Variants in STIM1 observed in about 807,000 individuals in gnomAD.
STIM1 encodes the protein stromal interaction molecule 1.
A neutral mutation model predicts 74.7 loss-of-function variants in STIM1; 25 were observed. That is an observed-to-expected ratio of 0.33 (90% CI 0.24 to 0.47). The LOEUF (loss-of-function observed/expected upper bound fraction) is 0.47. Ranked by LOEUF, STIM1 falls within the 20% of genes least tolerant of loss-of-function variation. The pLI, the probability that STIM1 is intolerant of heterozygous loss-of-function variation, is 1.00. For synonymous variants in STIM1, 328 were observed against 348.8 expected (o/e 0.94, Z 0.66); for missense variants, 728 against 920.8 (o/e 0.79, Z 2.71).
intron 1 of STIM1, among the ~76,000 whole-genome samples, chr11:3,899,906 G>A (rs12421047): frequency 0.27 from 41,584 of 151,600 alleles, 6,908 homozygotes; most frequent in East Asian, 0.4. Flanking sequence ...ATGTGCTACT[G>A]GATTCGGTTT....
chr11:3,981,243 G>A (rs1270178377), intron 2 of STIM1, among the ~76,000 whole-genome samples: 1 of 152,144 alleles, frequency 6.6e-6, no homozygotes, highest in East Asian at 1.9e-4. Context: ...GAGAAATCTT[G>A]TTTGTTCTCC....
chr11:4,079,243 A>C (rs2094452532), intron 7 of STIM1, among the ~76,000 whole-genome samples: 1 of 151,966 alleles, frequency 6.6e-6, no homozygotes, highest in South Asian at 2.1e-4. Context: ...GTGAGCTGAG[A>C]GATCGCGCCA....
At chr11:4,041,574 C>A (rs1420676598) in intron 3 of STIM1, among the ~76,000 whole-genome samples, 1 of 151,468 alleles carries the variant, frequency 6.6e-6, no homozygotes, top group South Asian at 2.1e-4. Context: ...ATTGCAAATT[C>A]AAATCAAGAC....
At chr11:3,982,580 C>T (rs1278432535) in intron 2 of STIM1, among the ~76,000 whole-genome samples, 2 of 152,124 alleles carry the variant, frequency 1.3e-5, no homozygotes, top group Non-Finnish European at 2.9e-5. Flanking sequence ...ATCTCTGAGA[C>T]AGACAGTAAT....
rs926092268 is a variant in STIM1 at position 3,876,734 on chromosome 11, T to G, written c.139+20325T>G. On this transcript the variant is annotated intron_variant, in intron 1 of 12. Transcript: ENST00000526596. Reference sequence around the variant, plus strand: ...ACATGTTTATTGAGTCCTGCCTGGTTGAAGATAAAGAAATACTGATATCTA... The same window carrying G: ...ACATGTTTATTGAGTCCTGCCTGGTGGAAGATAAAGAAATACTGATATCTA... 3.3e-5 allele frequency among the ~76,000 whole-genome samples: 5 copies of G among 152,262 alleles called. No individual in the cohort carries two copies. The East Asian group carries it at 7.7e-4, about 24-fold the overall frequency.
At chr11:3,900,729 C>T (rs1315791813) in intron 1 of STIM1, among the ~76,000 whole-genome samples, 2 of 152,160 alleles carry the variant, frequency 1.3e-5, no homozygotes, top group Non-Finnish European at 2.9e-5. Flanking sequence ...ACAGGCACAC[C>T]CCGCCATGCC....
intron 2 of STIM1, among the ~76,000 whole-genome samples, chr11:3,995,175 G>A (rs1024870437): frequency 6.6e-6 from 1 of 151,754 alleles, no homozygotes; most frequent in Non-Finnish European, 1.5e-5. Flanking sequence ...CTTACTGAGA[G>A]TTTCTGTTGC....
chr11:4,065,385 T>C (rs2094358570), intron 5 of STIM1, among the ~76,000 whole-genome samples: 1 of 152,178 alleles, frequency 6.6e-6, no homozygotes. Flanking sequence ...CCCTTCAAGC[T>C]TTCTCCAGGA....
chr11:3,895,728 T>TTCTC (rs2092111763), intron 1 of STIM1, among the ~76,000 whole-genome samples: 1 of 39,822 alleles, frequency 2.5e-5, no homozygotes, highest in African/African-American at 1.7e-4. Flanking sequence ...CTTTCTTTCT[T>TTCTC]TCTTTCTTTT....
At position 4,059,362 on chromosome 11, in the gene STIM1, G is replaced by A; in HGVS notation, c.579G>A (p.Lys193=). ...GTCATCGGCAGAAGCTGCAGCTGAA[G>A]GCTCTGGATACAGTGCTCTTTGGGC... The part of the protein sequence containing the change: ...DRSHRQKLQL[K]ALDTVLFGPP... Residue 193 remains lysine (K), a synonymous_variant, in exon 5 of 13, where the codon AAG becomes AAA. Transcript: ENST00000526596. The A allele has an allele frequency of 6.2e-7, 1 of 1,614,116 alleles. No individual in the cohort carries two copies. Among genetic ancestry groups the A allele is most frequent in the East Asian group, 2.2e-5 (1 of 44,886 alleles).
intron 1 of STIM1, among the ~76,000 whole-genome samples, chr11:3,863,219 CATGTGT>C (rs1401426641): frequency 7.7e-5 from 8 of 103,970 alleles, no homozygotes; most frequent in Non-Finnish European, 1.2e-4. Flanking sequence ...TGAGACAATG[CATGTGT>C]GTGTGTGTGT....
At chr11:4,034,567 G>A (rs1056374482) in intron 3 of STIM1, among the ~76,000 whole-genome samples, 3 of 152,100 alleles carry the variant, frequency 2.0e-5, no homozygotes, top group African/African-American at 7.2e-5. Context: ...CTTTGTTCAT[G>A]AAGGATACTG....
At chr11:3,959,546 G>T (rs770069584) in intron 1 of STIM1, among the ~76,000 whole-genome samples, 1 of 152,124 alleles carries the variant, frequency 6.6e-6, no homozygotes, top group Non-Finnish European at 1.5e-5. Context: ...GTCAAGCTTG[G>T]TTCTTACCAC....
chr11:4,070,575 G>T (rs900307609), intron 6 of STIM1, among the ~76,000 whole-genome samples: 5 of 152,146 alleles, frequency 3.3e-5, no homozygotes, highest in African/African-American at 9.7e-5. Context: ...GTTCCCCAAA[G>T]AAACCTCAAA....
intron 3 of STIM1, among the ~76,000 whole-genome samples, chr11:4,055,024 G>A (rs1057303586): frequency 6.6e-6 from 1 of 152,168 alleles, no homozygotes; most frequent in Non-Finnish European, 1.5e-5. Flanking sequence ...GCACTAAGTA[G>A]TCCCCTTATG....
Position 3,872,662 on chromosome 11 carries a change from T to C in STIM1, c.139+16253T>C, listed in dbSNP as rs189449965. Among the ~76,000 whole-genome samples, 467 of 151,354 alleles carry C rather than the reference T, an allele frequency of 3.1e-3. 2 individuals are homozygous for C. The highest frequency in any genetic ancestry group is 0.011 in the African/African-American group (444 of 41,276). ...TCAGCCTCCCGAGTAGCTGGGACTA[T>C]AGGCGCCCACCACCACGCCCGGCTA... On this transcript the variant is annotated intron_variant, in intron 1 of 12. Coordinates refer to ENST00000526596, the MANE Select transcript of STIM1 (RefSeq NM_001382567.1).
intron 2 of STIM1, among the ~76,000 whole-genome samples, chr11:4,003,880 T>G (rs1310308873): frequency 6.6e-6 from 1 of 152,166 alleles, no homozygotes; most frequent in Non-Finnish European, 1.5e-5. Context: ...GATAAGCAAC[T>G]TCAGCAAAGT....
intron 1 of STIM1, among the ~76,000 whole-genome samples, chr11:3,964,619 G>C (rs2093322283): frequency 6.6e-6 from 1 of 151,964 alleles, no homozygotes; most frequent in Non-Finnish European, 1.5e-5. Context: ...CCTAGAGCTT[G>C]GTAAACTATT....
intron 1 of STIM1, among the ~76,000 whole-genome samples, chr11:3,961,788 G>A (rs992927232): frequency 4.6e-5 from 7 of 152,268 alleles, no homozygotes; most frequent in East Asian, 1.9e-4. Flanking sequence ...GATTACAGGC[G>A]TGAGCCACTG....
Sources: gnomAD v4.1 joint callset for allele counts (sites outside exome capture counted in the v4.1 genomes callset) on GRCh38, gnomAD v4.1.1 for gene constraint, MANE v1.5 for transcripts, NCBI Gene and HGNC (gene_info 2026-07-23, HGNC 2026-07-21) for gene names.